Variants in AGTPBP1 observed in about 807,000 individuals in gnomAD.
AGTPBP1 encodes the protein cytosolic carboxypeptidase 1.
AGTPBP1 carries 70 observed loss-of-function variants against 143.9 expected under a neutral mutation model. That is an observed-to-expected ratio of 0.49 (90% CI 0.40 to 0.59). The LOEUF is 0.59. Among genes scored for constraint, AGTPBP1 ranks in the 20% least tolerant of loss-of-function variants. AGTPBP1 has a pLI of 0.00. For synonymous variants in AGTPBP1, 463 were observed against 500.2 expected, an observed-to-expected ratio of 0.93 and a Z score of 0.99; for missense variants, 1,229 against 1,464.5, an observed-to-expected ratio of 0.84 and a Z score of 2.62.
intron 1 of AGTPBP1, among the ~76,000 whole-genome samples, chr9:85,734,243 C>T (rs972225337): frequency 6.6e-6 from 1 of 151,994 alleles, no homozygotes; most frequent in Non-Finnish European, 1.5e-5. Context: ...CAAAGAGAGA[C>T]TCCGTCTGAA....
intron 2 of AGTPBP1, among the ~76,000 whole-genome samples, chr9:85,711,732 G>GC (rs559569282): frequency 3.3e-5 from 5 of 151,936 alleles, no homozygotes; most frequent in Non-Finnish European, 7.4e-5. Flanking sequence ...AAGCCACTGC[G>GC]CCCAGCCTAA....
chr9:85,672,732 ATTTTTTTTTTTTTTTT>A (rs35158140), intron 6 of AGTPBP1, 51 bp from the exon 7 acceptor site: 4 of 920,146 alleles, frequency 4.3e-6, no homozygotes, highest in Non-Finnish European at 5.8e-6. Flanking sequence ...TTTCTTTTTA[ATTTTTTTTTTTTTTTT>A]TTTTGAGACA....
Position 85,741,899 on chromosome 9 carries a change from A to AGGCGGAGGCGGC in AGTPBP1, c.-170_-159dup. On this transcript the variant is annotated 5_prime_UTR_variant, in exon 1 of 26. Transcript: ENST00000357081. ...TTCATACAAACCCCGGTGGCAGGCG[A>AGGCGGAGGCGGC]GGCGGAGGCGGCGGCGGCGGCAGCT... 2 of 1,344,666 alleles carry AGGCGGAGGCGGC rather than the reference A, an allele frequency of 1.5e-6. No homozygotes were observed. The highest frequency in any genetic ancestry group is 1.9e-6 in the Non-Finnish European group (2 of 1,050,638). The allele number at this position is 1,344,666 out of a possible 1,614,324, so 83.3% of individuals were successfully genotyped here.
rs761578517 is a variant in AGTPBP1, at chr9:85,588,426, A to G, written c.2775T>C (p.Asn925=). The G allele has an allele frequency of 4.8e-5, 78 of 1,613,286 alleles. No individual in the cohort carries two copies. The highest frequency in any genetic ancestry group is 6.3e-5 in the Non-Finnish European group (74 of 1,179,588). ...ACGTTCCTTTCATAACCCAACTTGC[A>G]TTAGTTTCTCCAGGATGTACCCGAG... is the stretch of plus-strand genomic sequence containing the variant. The part of the protein sequence containing the change: ...LSARVHPGET[N]ASWVMKGTLE... Residue 925 remains asparagine, a synonymous_variant, in exon 21 of 26, where the codon AAT becomes AAC. Transcript: ENST00000357081.
chr9:85,714,417 T>C (rs1404408066), intron 1 of AGTPBP1, among the ~76,000 whole-genome samples: 3 of 152,330 alleles, frequency 2.0e-5, no homozygotes, highest in Admixed American at 6.5e-5. Flanking sequence ...TGAATGAGGA[T>C]AACAATGGAA....
chr9:85,574,034 G>A (rs1185793831), intron 25 of AGTPBP1, among the ~76,000 whole-genome samples: 2 of 152,242 alleles, frequency 1.3e-5, no homozygotes, highest in East Asian at 3.8e-4. Flanking sequence ...AGAAAAGGGG[G>A]AAAGGTGGGG....
the AGTPBP1 span, among the ~76,000 whole-genome samples, chr9:85,798,052 C>A: frequency 6.7e-6 from 1 of 149,338 alleles, no homozygotes; most frequent in East Asian, 1.9e-4. Context: ...GCCACCACAT[C>A]GGCTATTTTT....
chr9:85,741,993 A>G, upstream of AGTPBP1: 2 of 1,215,168 alleles, frequency 1.6e-6, no homozygotes, highest in Non-Finnish European at 2.0e-6. Context: ...CGCCCCGCCC[A>G]CCGCACGCCT....
intron 3 of AGTPBP1, among the ~76,000 whole-genome samples, chr9:85,681,835 C>T (rs550985358): frequency 2.7e-5 from 4 of 149,452 alleles, no homozygotes; most frequent in African/African-American, 9.9e-5. Context: ...CTACAACCTC[C>T]GCCTCCCGGG....
intron 25 of AGTPBP1, among the ~76,000 whole-genome samples, chr9:85,570,404 G>T (rs888925591): frequency 6.6e-6 from 1 of 152,090 alleles, no homozygotes; most frequent in African/African-American, 2.4e-5. Flanking sequence ...TTTCCTTCAC[G>T]TTCAGCTGCT....
At chr9:85,738,088 G>T (rs62570629) in intron 1 of AGTPBP1, among the ~76,000 whole-genome samples, 2,256 of 152,240 alleles carry the variant, frequency 0.015, 25 homozygotes, top group Middle Eastern at 0.037. Flanking sequence ...ATTAAAAATA[G>T]GGTGTTTATA....
At chr9:85,754,066 T>G in the AGTPBP1 span, among the ~76,000 whole-genome samples, 1 of 152,196 alleles carries the variant, frequency 6.6e-6, no homozygotes, top group African/African-American at 2.4e-5. Flanking sequence ...TTTTTTGTTT[T>G]TCCTTGCTCT....
chr9:85,606,030 G>A (rs768742438), intron 17 of AGTPBP1, among the ~76,000 whole-genome samples: 2 of 152,000 alleles, frequency 1.3e-5, no homozygotes, highest in Non-Finnish European at 2.9e-5. Flanking sequence ...AATGGCAGGA[G>A]TAAGTCCTTA....
rs377366478 is a variant in AGTPBP1 at position 85,642,969 on chromosome 9, T to C, written c.1186-26A>G. 3.2e-6 allele frequency: 5 copies of C among 1,548,874 alleles called. No homozygotes were observed. The African/African-American group carries it at 4.1e-5, about 13-fold the overall frequency. ...CTGAAATGATAAAAAGAGTATGTTATCAGGTAAAACAAAATTTTTAAAAAT... is the reference window on the plus strand; with the variant it reads ...CTGAAATGATAAAAAGAGTATGTTACCAGGTAAAACAAAATTTTTAAAAAT... On this transcript the variant is annotated intron_variant, in intron 12 of 25. Coordinates refer to ENST00000357081, the MANE Select transcript of AGTPBP1 (RefSeq NM_001330701.2).
chr9:85,609,856 A>AT (rs1337275702), intron 17 of AGTPBP1, among the ~76,000 whole-genome samples: 3 of 81,390 alleles, frequency 3.7e-5, no homozygotes, highest in Non-Finnish European at 6.0e-5. Context: ...GTCTATACTG[A>AT]TAATACATTA....
chr9:85,569,115 C>T (rs1827294331), intron 25 of AGTPBP1, among the ~76,000 whole-genome samples: 1 of 152,130 alleles, frequency 6.6e-6, no homozygotes, highest in African/African-American at 2.4e-5. Flanking sequence ...AGTTTATGAA[C>T]ACACCACCCC....
chr9:85,797,658 C>T, the AGTPBP1 span, among the ~76,000 whole-genome samples: 4 of 151,950 alleles, frequency 2.6e-5, no homozygotes, highest in Non-Finnish European at 5.9e-5. Flanking sequence ...TTTCCTGGGC[C>T]ACACTGGAAG....
rs199531099 is a variant in AGTPBP1, at chr9:85,550,219, A to G, written c.3504-2933T>C. Among the ~76,000 whole-genome samples, 296 of 139,874 alleles carry G rather than the reference A, an allele frequency of 2.1e-3. 1 individual carries two copies. The highest frequency in any genetic ancestry group is 7.1e-3 in the African/African-American group (266 of 37,702). 91.8% of individuals were successfully genotyped at this position (139,874 alleles called of 152,430 possible). A position where few individuals can be genotyped will look rare whatever the true frequency, so the allele number is the denominator to read the frequency against. On this transcript the variant is annotated intron_variant, in intron 25 of 25. Coordinates refer to ENST00000357081, the MANE Select transcript of AGTPBP1 (RefSeq NM_001330701.2). Reference sequence around the variant, plus strand: ...TGAGAGAGAGAGAGAGAGAGAGAGAAAGATATCAGGGGATCTGGAAGGAGC... The same window carrying G: ...TGAGAGAGAGAGAGAGAGAGAGAGAGAGATATCAGGGGATCTGGAAGGAGC...
At chr9:85,745,692 G>A (rs542715310), upstream of AGTPBP1, among the ~76,000 whole-genome samples, 26 of 152,210 alleles carry the variant, frequency 1.7e-4, 1 homozygote, top group South Asian at 4.1e-3. Flanking sequence ...TATATAATTC[G>A]GGGTCAGAAA....
Sources: gnomAD v4.1 joint callset for allele counts (sites outside exome capture counted in the v4.1 genomes callset) on GRCh38, gnomAD v4.1.1 for gene constraint, MANE v1.5 for transcripts, NCBI Gene and HGNC (gene_info 2026-07-23, HGNC 2026-07-21) for gene names.